FAM227B: variants seen among roughly 807,000 people sequenced by gnomAD.
FAM227B encodes protein FAM227B.
FAM227B carries 88 observed loss-of-function variants against 73.8 expected under a neutral mutation model. The ratio of observed to expected loss-of-function variants is 1.19; its 90% CI spans 1.00 to 1.42. The LOEUF (loss-of-function observed/expected upper bound fraction) is 1.42. FAM227B is among the 40% of genes most tolerant of loss of function. The probability of loss-of-function intolerance (pLI) is 0.00; values close to 1 mark genes in which losing one functional copy is unlikely to be tolerated. For synonymous variants in FAM227B, 210 were observed against 190.5 expected, an observed-to-expected ratio of 1.10 and a Z score of -0.84; for missense variants, 632 against 590.9, an observed-to-expected ratio of 1.07 and a Z score of -0.72.
intron 10 of FAM227B, among the ~76,000 whole-genome samples, chr15:49,514,648 A>G (rs1203275510): frequency 6.6e-6 from 1 of 152,108 alleles, no homozygotes; most frequent in African/African-American, 2.4e-5. Context: ...ATATGTCTCA[A>G]TACCAATCTT....
chr15:49,392,285 T>G (rs1037703377), intron 11 of FAM227B, among the ~76,000 whole-genome samples: 1 of 152,100 alleles, frequency 6.6e-6, no homozygotes, highest in African/African-American at 2.4e-5. Flanking sequence ...ATTAGTACCT[T>G]GGAGAAGGAT....
chr15:49,577,556 T>C, intron 6 of FAM227B, 73 bp downstream of exon 6: 1 of 900,450 alleles, frequency 1.1e-6, no homozygotes, highest in African/African-American at 1.7e-5. Context: ...CTTGTTTATA[T>C]TGTTGTAAAC....
chr15:49,539,191 C>G (rs1243001856), intron 10 of FAM227B, among the ~76,000 whole-genome samples: 1 of 152,118 alleles, frequency 6.6e-6, no homozygotes, highest in Non-Finnish European at 1.5e-5. Flanking sequence ...CCATGCAGCT[C>G]TGTCAGATGA....
intron 11 of FAM227B, among the ~76,000 whole-genome samples, chr15:49,404,470 ATAGT>A (rs1313271834): frequency 1.3e-5 from 2 of 152,124 alleles, no homozygotes; most frequent in Non-Finnish European, 2.9e-5. Context: ...TATATTTAGG[ATAGT>A]TAGGTCTTCT....
chr15:49,367,284 C>A (rs570660338), intron 13 of FAM227B, among the ~76,000 whole-genome samples, 164 bp downstream of exon 13: 170 of 152,088 alleles, frequency 1.1e-3, no homozygotes, highest in Non-Finnish European at 2.2e-3. Context: ...TAAAGAAAAG[C>A]CAAACATACT....
chr15:49,332,916 T>C (rs551342897), intron 14 of FAM227B, among the ~76,000 whole-genome samples: 20 of 152,206 alleles, frequency 1.3e-4, no homozygotes, highest in African/African-American at 3.9e-4. Context: ...TCACTCATTC[T>C]CTCTCTGCTT....
intron 11 of FAM227B, among the ~76,000 whole-genome samples, chr15:49,500,707 T>C (rs1230170342): frequency 1.3e-5 from 2 of 152,216 alleles, no homozygotes; most frequent in East Asian, 3.9e-4. Context: ...GTGATATAGT[T>C]TGGATATCTA....
intron 11 of FAM227B, among the ~76,000 whole-genome samples, chr15:49,378,401 C>T (rs1323664638): frequency 6.6e-6 from 1 of 151,850 alleles, no homozygotes; most frequent in African/African-American, 2.4e-5. Flanking sequence ...TTAGTATGAA[C>T]ATGTTAACAA....
intron 9 of FAM227B, among the ~76,000 whole-genome samples, chr15:49,543,808 T>C (rs2071425355): frequency 6.6e-6 from 1 of 152,204 alleles, no homozygotes; most frequent in African/African-American, 2.4e-5. Flanking sequence ...CAGTTGGCTG[T>C]AAGTATTTGG....
intron 13 of FAM227B, chr15:49,364,984 G>A (rs2044877471): frequency 7.6e-6 from 3 of 396,410 alleles, no homozygotes; most frequent in Admixed American, 8.4e-5. Flanking sequence ...TGATGTAACT[G>A]TCAGTACCAG....
chr15:49,606,764 T>C (rs1018629770), intron 3 of FAM227B, among the ~76,000 whole-genome samples: 7 of 152,150 alleles, frequency 4.6e-5, no homozygotes, highest in Admixed American at 3.9e-4. Flanking sequence ...GCCTGCCTTG[T>C]TTTGGCCACC....
At chr15:49,555,877 G>A (rs769621400) in intron 9 of FAM227B, among the ~76,000 whole-genome samples, 51 of 152,110 alleles carry the variant, frequency 3.4e-4, no homozygotes, top group Non-Finnish European at 6.3e-4. Context: ...CTTGAAGTGC[G>A]TTTTTCAGCT....
At chr15:49,546,108 C>T (rs1205163088) in intron 9 of FAM227B, among the ~76,000 whole-genome samples, 7 of 152,112 alleles carry the variant, frequency 4.6e-5, no homozygotes, top group African/African-American at 1.4e-4. Context: ...TCCGTCCCCC[C>T]TCCCCTCACC....
At chr15:49,408,784 T>C (rs972820403) in intron 11 of FAM227B, among the ~76,000 whole-genome samples, 2 of 152,050 alleles carry the variant, frequency 1.3e-5, no homozygotes, top group African/African-American at 4.8e-5. Context: ...TAATGCAATA[T>C]AATTTCAAAT....
chr15:49,441,411 T>C (rs2051630612), intron 11 of FAM227B, among the ~76,000 whole-genome samples: 1 of 151,636 alleles, frequency 6.6e-6, no homozygotes, highest in Non-Finnish European at 1.5e-5. Context: ...CAACACAAGA[T>C]GAAGTAAAAT....
intron 10 of FAM227B, among the ~76,000 whole-genome samples, chr15:49,535,088 G>A (rs2060909994): frequency 6.6e-6 from 1 of 151,034 alleles, no homozygotes; most frequent in African/African-American, 2.4e-5. Flanking sequence ...ACAAAAAACA[G>A]AACAGAAACA....
intron 11 of FAM227B, among the ~76,000 whole-genome samples, chr15:49,411,257 G>T (rs1276825558): frequency 3.3e-5 from 5 of 151,902 alleles, no homozygotes; most frequent in African/African-American, 7.2e-5. Flanking sequence ...CAGAAAAAAA[G>T]ATGATTTCTC....
At chr15:49,524,832 C>G (rs1292678980) in intron 10 of FAM227B, among the ~76,000 whole-genome samples, 2 of 152,208 alleles carry the variant, frequency 1.3e-5, no homozygotes, top group Non-Finnish European at 2.9e-5. Flanking sequence ...TGAGATTTGA[C>G]TCCCCCACCA....
intron 11 of FAM227B, among the ~76,000 whole-genome samples, chr15:49,391,797 CT>C (rs1405592270): frequency 2.6e-5 from 4 of 152,156 alleles, no homozygotes; most frequent in Non-Finnish European, 4.4e-5. Flanking sequence ...ACAATTTTGA[CT>C]GTAACTTCTG....
Sources: allele counts gnomAD v4.1 joint callset (sites outside exome capture counted in the v4.1 genomes callset), GRCh38; gene constraint gnomAD v4.1.1; transcripts MANE v1.5; gene names NCBI Gene and HGNC (gene_info 2026-07-23, HGNC 2026-07-21).